RGS7: variants seen among roughly 807,000 people sequenced by gnomAD.
RGS7 encodes the protein regulator of G protein signaling 7, also known as regulator of G-protein signaling 7.
In RGS7, 27 loss-of-function variants were observed where a neutral mutation model predicts 81.1. The ratio of observed to expected loss-of-function variants is 0.33; its 90% CI spans 0.25 to 0.46. The LOEUF (loss-of-function observed/expected upper bound fraction) is 0.46. Among genes scored for constraint, RGS7 ranks in the 20% least tolerant of loss-of-function variants. The pLI is 1.00. For synonymous variants in RGS7, 208 were observed against 207.7 expected, an observed-to-expected ratio of 1.00 and a Z score of -0.01; for missense variants, 396 against 607.4, an observed-to-expected ratio of 0.65 and a Z score of 3.66.
intron 2 of RGS7, among the ~76,000 whole-genome samples, chr1:241,336,985 C>T (rs550825038): frequency 2.6e-5 from 4 of 152,088 alleles, no homozygotes; most frequent in Non-Finnish European, 5.9e-5. Context: ...AGGGAAGTAG[C>T]TTGGTATAGT....
intron 6 of RGS7, among the ~76,000 whole-genome samples, chr1:240,925,967 CG>C (rs1674373945): frequency 6.6e-6 from 1 of 151,902 alleles, no homozygotes; most frequent in Non-Finnish European, 1.5e-5. Context: ...CACTTTTTAA[CG>C]GGATTGTTTC....
chr1:241,302,287 C>T (rs899141562), intron 2 of RGS7, among the ~76,000 whole-genome samples: 1 of 152,140 alleles, frequency 6.6e-6, no homozygotes, highest in Non-Finnish European at 1.5e-5. Context: ...CGGTGGCTTA[C>T]GCCTGTAATC....
chr1:241,117,526 G>A (rs894856334), intron 2 of RGS7, among the ~76,000 whole-genome samples: 13 of 152,158 alleles, frequency 8.5e-5, no homozygotes, highest in Non-Finnish European at 1.9e-4. Flanking sequence ...CTTCCTCTGG[G>A]AGGGATCTTT....
At chr1:240,923,503 A>G (rs1269964907) in intron 6 of RGS7, among the ~76,000 whole-genome samples, 2 of 152,088 alleles carry the variant, frequency 1.3e-5, no homozygotes, top group Non-Finnish European at 1.5e-5. Flanking sequence ...GAAGTCCATT[A>G]ATTTTTAAAA....
chr1:241,061,578 T>C (rs3002682), intron 3 of RGS7, among the ~76,000 whole-genome samples: 98,072 of 152,030 alleles, frequency 0.65, 32,441 homozygotes, highest in East Asian at 0.85. Flanking sequence ...AGTGCTAAAA[T>C]AGATACATAA....
intron 18 of RGS7, among the ~76,000 whole-genome samples, chr1:240,799,663 TA>T (rs888165804): frequency 5.3e-5 from 8 of 151,800 alleles, no homozygotes; most frequent in African/African-American, 1.2e-4. Context: ...CGAATAATCT[TA>T]AAAAAAAGGT....
rs560565666 is a variant in RGS7 at position 241,292,471 on chromosome 1, G to A, written c.78+63228C>T. ...GCAATAGGGCGGCTTGTGTAGTGTA[G>A]TGGGCTTTGGAGAAGATCCCTGGTA... On this transcript the variant is annotated intron_variant, in intron 2 of 18. Coordinates refer to ENST00000440928, the MANE Select transcript of RGS7 (RefSeq NM_001364886.1). Among the ~76,000 whole-genome samples the A allele has an allele frequency of 3.9e-5, 6 of 152,322 alleles. No homozygotes were observed. The South Asian group carries it at 1.0e-3, about 26-fold the overall frequency.
intron 2 of RGS7, among the ~76,000 whole-genome samples, chr1:241,150,517 T>C (rs1036300965): frequency 1.3e-5 from 2 of 152,160 alleles, no homozygotes; most frequent in African/African-American, 4.8e-5. Context: ...GGATTAGAAA[T>C]TAAAATAAGG....
chr1:241,057,793 T>G (rs2061545604), intron 3 of RGS7, among the ~76,000 whole-genome samples: 1 of 152,146 alleles, frequency 6.6e-6, no homozygotes, highest in South Asian at 2.1e-4. Context: ...GCGCCTGTAG[T>G]CCCAGCTACA....
In RGS7 at chr1:241,189,965, C is replaced by T. The variant is rs370145478; in HGVS notation, c.79-91203G>A. On this transcript the variant is annotated intron_variant, in intron 2 of 18. Coordinates refer to ENST00000440928, the MANE Select transcript of RGS7 (RefSeq NM_001364886.1). ...AAAAATACAAAAATTTAGCCGGGCG[C>T]GGTGGTGGGCACCTGTAGTCCCAGC... Among the ~76,000 whole-genome samples the T allele has an allele frequency of 4.2e-3, 633 of 152,146 alleles. 5 individuals carry two copies. Among genetic ancestry groups the T allele is most frequent in the African/African-American group, 8.4e-3 (349 of 41,518 alleles).
At chr1:241,295,321 T>C (rs1211256484) in intron 2 of RGS7, among the ~76,000 whole-genome samples, 1 of 149,814 alleles carries the variant, frequency 6.7e-6, no homozygotes, top group East Asian at 2.0e-4. Context: ...GGCATGGTGG[T>C]GCATGCCTGA....
chr1:241,200,335 A>C (rs903617758), intron 2 of RGS7, among the ~76,000 whole-genome samples: 4 of 152,156 alleles, frequency 2.6e-5, no homozygotes, highest in African/African-American at 9.7e-5. Flanking sequence ...ACCGGCAGAA[A>C]AATACTTATT....
At chr1:241,250,906 T>G (rs2148211607) in intron 2 of RGS7, among the ~76,000 whole-genome samples, 1 of 152,362 alleles carries the variant, frequency 6.6e-6, no homozygotes, top group Admixed American at 6.5e-5. Context: ...TTTATGTGTT[T>G]GTCTCCTCTG....
chr1:240,967,442 AC>A (rs1682489007), intron 4 of RGS7, among the ~76,000 whole-genome samples: 1 of 152,138 alleles, frequency 6.6e-6, no homozygotes, highest in Non-Finnish European at 1.5e-5. Flanking sequence ...CTGGAGCTCA[AC>A]AAAACCTTGT....
chr1:241,212,496 G>T (rs2074301524), intron 2 of RGS7, among the ~76,000 whole-genome samples: 1 of 152,174 alleles, frequency 6.6e-6, no homozygotes, highest in South Asian at 2.1e-4. Context: ...GTCCTGTGGT[G>T]TGAATAAAAG....
intron 2 of RGS7, among the ~76,000 whole-genome samples, chr1:241,143,128 A>C (rs937968170): frequency 1.3e-5 from 2 of 152,114 alleles, no homozygotes; most frequent in African/African-American, 2.4e-5. Context: ...TCCTATCACT[A>C]TCAGCGTTTT....
At chr1:241,343,147 A>C (rs1183844205) in intron 2 of RGS7, among the ~76,000 whole-genome samples, 1 of 151,996 alleles carries the variant, frequency 6.6e-6, no homozygotes, top group Non-Finnish European at 1.5e-5. Context: ...CTGTAGCCCC[A>C]GCTACTCGGG....
At chr1:240,890,220 T>G (rs1476529251) in intron 6 of RGS7, among the ~76,000 whole-genome samples, 1 of 152,178 alleles carries the variant, frequency 6.6e-6, no homozygotes, top group African/African-American at 2.4e-5. Context: ...TGGCGCAATC[T>G]CGGCTCACTG....
At chr1:240,808,512 C>T (rs534981162) in intron 14 of RGS7, among the ~76,000 whole-genome samples, 7 of 152,262 alleles carry the variant, frequency 4.6e-5, no homozygotes, top group African/African-American at 1.7e-4. Context: ...TCTATTATTT[C>T]CCTCATTTTA....
Sources: allele counts gnomAD v4.1 joint callset (sites outside exome capture counted in the v4.1 genomes callset), GRCh38; gene constraint gnomAD v4.1.1; transcripts MANE v1.5; gene names NCBI Gene and HGNC (gene_info 2026-07-23, HGNC 2026-07-21).